Variants in ROBO1 observed in about 807,000 individuals in gnomAD.
ROBO1 encodes the protein roundabout homolog 1.
Under a neutral mutation model 195.9 loss-of-function variants are expected in ROBO1, and 149 were observed. That is an observed-to-expected ratio of 0.76 (90% confidence interval 0.67 to 0.87). The LOEUF is 0.87. Ranked by LOEUF, ROBO1 falls within the 40% of genes least tolerant of loss-of-function variation. The pLI is 0.00. For synonymous variants in ROBO1, 816 were observed against 733.2 expected (o/e 1.11, Z -1.82); for missense variants, 1,933 against 2,068.3 (o/e 0.93, Z 1.27).
At chr3:79,326,552 A>G (rs1356318592) in intron 2 of ROBO1, among the ~76,000 whole-genome samples, 1 of 152,194 alleles carries the variant, frequency 6.6e-6, no homozygotes, top group Non-Finnish European at 1.5e-5. Context: ...TAAACGTTTG[A>G]AAGGTAAGCA....
intron 2 of ROBO1, among the ~76,000 whole-genome samples, chr3:79,548,094 G>A (rs1455547104): frequency 6.6e-6 from 1 of 152,158 alleles, no homozygotes; most frequent in East Asian, 1.9e-4. Context: ...TGAATTAATA[G>A]CAAAATGCAG....
At chr3:78,832,751 A>C (rs570473378) in intron 4 of ROBO1, among the ~76,000 whole-genome samples, 1 of 152,248 alleles carries the variant, frequency 6.6e-6, no homozygotes, top group African/African-American at 2.4e-5. Flanking sequence ...AGAAAAAACT[A>C]GGCTAGGTAG....
chr3:78,957,566 C>T (rs1015165095), intron 3 of ROBO1, among the ~76,000 whole-genome samples: 7 of 152,058 alleles, frequency 4.6e-5, no homozygotes, highest in East Asian at 1.9e-4. Flanking sequence ...CAAATGCCTT[C>T]GACAAAAATA....
At chr3:79,530,597 A>G (rs1217813543) in intron 2 of ROBO1, among the ~76,000 whole-genome samples, 2 of 152,068 alleles carry the variant, frequency 1.3e-5, no homozygotes, top group African/African-American at 4.8e-5. Flanking sequence ...ATCCCTTTCA[A>G]ATCTATCCAT....
intron 8 of ROBO1, among the ~76,000 whole-genome samples, chr3:78,699,395 C>CAAAAAAA (rs60574193): frequency 4.0e-4 from 33 of 83,032 alleles, no homozygotes; most frequent in African/African-American, 1.3e-3. Context: ...ACTAAAAATA[C>CAAAAAAA]AAAAAAAAAA....
At chr3:79,449,447 A>C (rs1191102257) in intron 2 of ROBO1, among the ~76,000 whole-genome samples, 3 of 149,332 alleles carry the variant, frequency 2.0e-5, no homozygotes, top group Non-Finnish European at 4.5e-5. Flanking sequence ...ATTCAGGAAC[A>C]GGAGCTTATT....
intron 2 of ROBO1, among the ~76,000 whole-genome samples, chr3:79,469,118 T>C (rs1938127887): frequency 6.6e-6 from 1 of 152,118 alleles, no homozygotes; most frequent in Admixed American, 6.6e-5. Flanking sequence ...TGATTATCAG[T>C]GGCAAATATC....
At chr3:79,756,854 G>T (rs1459426404) in intron 1 of ROBO1, among the ~76,000 whole-genome samples, 1 of 151,946 alleles carries the variant, frequency 6.6e-6, no homozygotes, top group South Asian at 2.1e-4. Context: ...ATTCTACTTT[G>T]TATCTCTGTG....
At chr3:78,917,440 GAAAT>G (rs1406802063) in intron 4 of ROBO1, among the ~76,000 whole-genome samples, 1 of 152,012 alleles carries the variant, frequency 6.6e-6, no homozygotes, top group Non-Finnish European at 1.5e-5. Context: ...AAACGTTTTT[GAAAT>G]AATTATGAAA....
chr3:79,500,991 T>C (rs1334010007), intron 2 of ROBO1, among the ~76,000 whole-genome samples: 1 of 152,044 alleles, frequency 6.6e-6, no homozygotes, highest in Non-Finnish European at 1.5e-5. Context: ...CCACCTCAGA[T>C]GAGCCTTCCA....
chr3:78,910,117 T>C (rs1336083214), intron 4 of ROBO1, among the ~76,000 whole-genome samples: 2 of 151,858 alleles, frequency 1.3e-5, no homozygotes, highest in Non-Finnish European at 2.9e-5. Flanking sequence ...AGGATTTCTT[T>C]ATTTTGAATG....
At chr3:79,246,411 T>C (rs2082625190) in intron 2 of ROBO1, among the ~76,000 whole-genome samples, 2 of 152,054 alleles carry the variant, frequency 1.3e-5, no homozygotes, top group Admixed American at 6.6e-5. Context: ...ACAACAGAAA[T>C]AGGCTTTGCT....
At chr3:79,118,518 T>C (rs34002150) in intron 3 of ROBO1, among the ~76,000 whole-genome samples, 1 of 152,180 alleles carries the variant, frequency 6.6e-6, no homozygotes, top group East Asian at 1.9e-4. Context: ...GTATATTTTG[T>C]GTTTCTGAGT....
intron 2 of ROBO1, among the ~76,000 whole-genome samples, chr3:79,343,493 C>A (rs146016853): frequency 3.9e-4 from 60 of 152,162 alleles, no homozygotes; most frequent in Admixed American, 3.9e-4. Flanking sequence ...ACTGAGCAAT[C>A]ATGGCAAAAA....
chr3:79,296,215 C>A (rs2032588846), intron 2 of ROBO1, among the ~76,000 whole-genome samples: 1 of 152,104 alleles, frequency 6.6e-6, no homozygotes, highest in African/African-American at 2.4e-5. Flanking sequence ...ACATAAGACA[C>A]ATGAATGCTA....
At chr3:79,750,538 G>A (rs1406678623) in intron 1 of ROBO1, among the ~76,000 whole-genome samples, 2 of 152,204 alleles carry the variant, frequency 1.3e-5, no homozygotes, top group Admixed American at 6.5e-5. Flanking sequence ...ATTCCAGCAT[G>A]TAGTAGGAGG....
At chr3:79,275,439 G>GA (rs1222528893) in intron 2 of ROBO1, among the ~76,000 whole-genome samples, 1 of 151,642 alleles carries the variant, frequency 6.6e-6, no homozygotes, top group Non-Finnish European at 1.5e-5. Flanking sequence ...ATCCCTTCAT[G>GA]AAAAAAACCC....
chr3:78,960,339 T>C (rs1052239681), intron 3 of ROBO1, among the ~76,000 whole-genome samples: 2 of 149,732 alleles, frequency 1.3e-5, no homozygotes, highest in Non-Finnish European at 3.0e-5. Context: ...TGTTAACATA[T>C]AGCAATATAT....
Position 79,052,439 on chromosome 3 carries a change from G to A in ROBO1, c.172+73017C>T, listed in dbSNP as rs576970621. 4.6e-5 allele frequency among the ~76,000 whole-genome samples: 7 copies of A among 152,130 alleles called. No individual in the cohort carries two copies. In the South Asian group the frequency reaches 1.0e-3, roughly 23 times the overall value. On this transcript the variant is annotated intron_variant, in intron 3 of 30. Transcript: ENST00000464233. ...ACCTTCATCAGTAATTCTAGTTTCA[G>A]TCTGGCCATGTGATCTCACTCTGCC...
Sources: allele counts gnomAD v4.1 joint callset (sites outside exome capture counted in the v4.1 genomes callset), GRCh38; gene constraint gnomAD v4.1.1; transcripts MANE v1.5; gene names NCBI Gene and HGNC (gene_info 2026-07-23, HGNC 2026-07-21).